EXD3: variants seen among roughly 807,000 people sequenced by gnomAD.
EXD3 encodes exonuclease 3'-5' domain containing 3.
EXD3 carries 92 observed loss-of-function variants against 98.0 expected under a neutral mutation model. The observed-to-expected ratio is 0.94, with a 90% CI of 0.79 to 1.12. The LOEUF is 1.12. Ranked by LOEUF, EXD3 falls within the 50% of genes most tolerant of loss-of-function variation. The pLI, the probability that EXD3 is intolerant of heterozygous loss-of-function variation, is 0.00. For missense variants in EXD3, 1,222 were observed against 1,191.6 expected (o/e 1.03, Z -0.38); for synonymous variants, 569 against 526.0 (o/e 1.08, Z -1.12).
In EXD3 at chr9:137,408,407, C is replaced by T. The variant is rs1837835172; in HGVS notation, c.-47-13003G>A. ...ACTAAAAATATAAAAATTTGCCGGGCGTGGTGGCGGGCGCCTGTAGTCCCA... is the reference window on the plus strand; with the variant it reads ...ACTAAAAATATAAAAATTTGCCGGGTGTGGTGGCGGGCGCCTGTAGTCCCA... On this transcript the variant is annotated intron_variant, in intron 1 of 21. Transcript: ENST00000340951. 3.3e-5 allele frequency among the ~76,000 whole-genome samples: 5 copies of T among 151,752 alleles called. No individual in the cohort carries two copies. The South Asian group carries it at 1.0e-3, about 32-fold the overall frequency.
At position 137,351,926 on chromosome 9, in the gene EXD3, C is replaced by T. The variant is rs1030036238; in HGVS notation, c.1173+140G>A. The T allele has an allele frequency of 1.3e-5, 15 of 1,125,926 alleles. No homozygotes were observed. The African/African-American group carries it at 1.7e-4, about 13-fold the overall frequency. 69.7% of individuals were successfully genotyped at this position (1,125,926 alleles called of 1,614,324 possible). On this transcript the variant is annotated intron_variant, in intron 12 of 21. Coordinates refer to ENST00000340951, the MANE Select transcript of EXD3 (RefSeq NM_017820.5). ...CAGCACAGTGTGGGGAACGGCTGCC[C>T]TCACAGCAGCCCTGGGGCACCTGGC...
In EXD3 at chr9:137,351,544, G is replaced by A. The variant is rs1223664068; in HGVS notation, c.1174-16C>T. On this transcript the variant is annotated splice_polypyrimidine_tract_variant and intron_variant, in intron 12 of 21. Transcript: ENST00000340951. ...CTTGGTGGCACTGCGGGCAGAGAGG[G>A]GCAGATGTGATCATCAGGGCCAACT... 6 of 1,566,616 alleles carry A rather than the reference G, an allele frequency of 3.8e-6. No individual in the cohort carries two copies. The African/African-American group carries it at 4.1e-5, about 11-fold the overall frequency.
At position 137,385,416 on chromosome 9, in the gene EXD3, T is replaced by A. The variant is rs1588399746; in HGVS notation, c.56-2039A>T. ...GGCTGGCGATGGGGCCAGGGTGGGC[T>A]GGGCGGGGCGTGCTGTGGTGTGTTC... On this transcript the variant is annotated intron_variant, in intron 2 of 21. Transcript: ENST00000340951. The surrounding 1 kb of genome is among the most constrained non-coding windows in gnomAD (Gnocchi z 4.4). Among the ~76,000 whole-genome samples the A allele has an allele frequency of 2.4e-5, 3 of 127,122 alleles. No homozygotes were observed. The highest frequency in any genetic ancestry group is 8.5e-5 in the African/African-American group (3 of 35,246). The allele number at this position is 127,122 out of a possible 152,430, so 83.4% of individuals were successfully genotyped here.
intron 17 of EXD3, among the ~76,000 whole-genome samples, chr9:137,342,888 G>A (rs1204090463): frequency 2.6e-5 from 4 of 152,218 alleles, no homozygotes; most frequent in Admixed American, 6.5e-5. Context: ...TTGGGAGGCC[G>A]AGGCAGGTGG....
At chr9:137,372,841 C>G in intron 5 of EXD3, 64 bp downstream of exon 5, 1 of 1,537,214 alleles carries the variant, frequency 6.5e-7, no homozygotes, top group South Asian at 1.2e-5. Flanking sequence ...CTGAGCCAGG[C>G]GCGTCCTTGC....
Position 137,403,518 on chromosome 9 carries a change from G to A in EXD3, c.-47-8114C>T, listed in dbSNP as rs1407135291. ...ACCCCATGAAGGCCGCCCCAGGTCC[G>A]TTTCAGCCCTCCAGACGCCCGTACC... is the stretch of plus-strand genomic sequence containing the variant. On this transcript the variant is annotated intron_variant, in intron 1 of 21. Transcript: ENST00000340951. This position sits in a 1 kb window ranked among gnomAD's most constrained non-coding sequence, Gnocchi z 6.1. Among the ~76,000 whole-genome samples the A allele has an allele frequency of 2.0e-5, 3 of 152,066 alleles. No individual in the cohort carries two copies. The highest frequency in any genetic ancestry group is 1.9e-4 in the East Asian group (1 of 5,146).
intron 8 of EXD3, among the ~76,000 whole-genome samples, chr9:137,355,507 GGAGGAA>G (rs1564508359): frequency 2.2e-4 from 25 of 111,736 alleles, no homozygotes; most frequent in African/African-American, 5.2e-4. Context: ...GAAGGAGGAA[GGAGGAA>G]GGAGGAAGGA....
At chr9:137,313,926 G>A (rs1472262550) in intron 19 of EXD3, among the ~76,000 whole-genome samples, 2 of 152,168 alleles carry the variant, frequency 1.3e-5, no homozygotes, top group East Asian at 1.9e-4. Flanking sequence ...GCCTCTGCAC[G>A]GCTAGGACTG....
intron 17 of EXD3, among the ~76,000 whole-genome samples, chr9:137,333,093 A>G (rs1833174275): frequency 1.3e-5 from 2 of 152,140 alleles, no homozygotes; most frequent in Admixed American, 6.5e-5. Flanking sequence ...AAGATGGAAG[A>G]GCAGACTTGC....
At chr9:137,408,136 G>A (rs1389231028) in intron 1 of EXD3, among the ~76,000 whole-genome samples, 2 of 152,136 alleles carry the variant, frequency 1.3e-5, no homozygotes, top group Non-Finnish European at 2.9e-5. Context: ...ACTGCGCTGC[G>A]TGGGTGTTTT....
intron 1 of EXD3, among the ~76,000 whole-genome samples, chr9:137,402,391 A>C (rs1439637478): frequency 2.0e-5 from 3 of 152,088 alleles, no homozygotes; most frequent in Non-Finnish European, 4.4e-5. Flanking sequence ...AGATACCCTA[A>C]ATCATCTCTC....
chr9:137,406,262 A>T (rs1837707855), intron 1 of EXD3, among the ~76,000 whole-genome samples: 1 of 151,748 alleles, frequency 6.6e-6, no homozygotes, highest in African/African-American at 2.4e-5. Flanking sequence ...AGGAAAGGAA[A>T]AGAAAGAAAA....
intron 5 of EXD3, among the ~76,000 whole-genome samples, chr9:137,372,301 C>T (rs1248027283): frequency 1.3e-5 from 2 of 152,232 alleles, no homozygotes; most frequent in Non-Finnish European, 2.9e-5. Context: ...GAACCTTGTC[C>T]TGTGTCCCAG....
chr9:137,319,050 G>A (rs953366450), intron 19 of EXD3, among the ~76,000 whole-genome samples: 7 of 152,260 alleles, frequency 4.6e-5, no homozygotes, highest in Non-Finnish European at 4.4e-5. Flanking sequence ...GGCGGCAGGC[G>A]CTCTCCAGGG....
intron 12 of EXD3, 93 bp from the exon 13 acceptor site, chr9:137,351,621 G>A (rs916115155): frequency 2.0e-4 from 246 of 1,242,660 alleles, no homozygotes; most frequent in Non-Finnish European, 2.3e-4. Context: ...TGTGAGCTTG[G>A]GCTTCGGGGA....
intron 8 of EXD3, among the ~76,000 whole-genome samples, chr9:137,355,637 G>T: frequency 7.5e-6 from 1 of 133,748 alleles, no homozygotes; most frequent in Admixed American, 7.7e-5. Flanking sequence ...ATGGAGGAAG[G>T]AGGAAGGAGG....
chr9:137,416,322 G>A (rs1195674916), intron 1 of EXD3, among the ~76,000 whole-genome samples: 2 of 152,206 alleles, frequency 1.3e-5, no homozygotes, highest in African/African-American at 2.4e-5. Context: ...ACAAAGGGGC[G>A]GACTTGGGGC....
chr9:137,366,141 C>A lies in EXD3; in HGVS notation c.656+352G>T, dbSNP rs749510246. 1.5e-4 allele frequency: 102 copies of A among 699,612 alleles called. 1 individual carries two copies. Among genetic ancestry groups the A allele is most frequent in the South Asian group, 1.4e-3 (96 of 66,748 alleles). The allele number at this position is 699,612 out of a possible 1,614,324, so 43.3% of individuals were successfully genotyped here. ...GTAATTGCTGACAGACGTCACACAC[C>A]AAGTGCTTCCAAAAACTTTATTAGA... On this transcript the variant is annotated intron_variant, in intron 7 of 21. Coordinates refer to ENST00000340951, the MANE Select transcript of EXD3 (RefSeq NM_017820.5).
At chr9:137,355,486 GGAGGAT>G (rs1374690807) in intron 8 of EXD3, among the ~76,000 whole-genome samples, 288 of 63,756 alleles carry the variant, frequency 4.5e-3, no homozygotes, top group East Asian at 5.5e-3. Flanking sequence ...GAAGGAGGAA[GGAGGAT>G]GGAGGAAGGA....
Sources: gnomAD v4.1 joint callset for allele counts (sites outside exome capture counted in the v4.1 genomes callset) on GRCh38, gnomAD v4.1.1 for gene constraint, Gnocchi (gnomAD v3.1) non-coding constraint, MANE v1.5 for transcripts, NCBI Gene and HGNC (gene_info 2026-07-23, HGNC 2026-07-21) for gene names.